The following CNNM2 variants were observed in gnomAD, a reference collection of about 807,000 sequenced individuals.
CNNM2 encodes metal transporter CNNM2.
A neutral mutation model predicts 66.9 loss-of-function variants in CNNM2; 12 were observed. The observed-to-expected ratio is 0.18, with a 90% CI of 0.11 to 0.29. CNNM2 has a LOEUF of 0.29. Ranked by LOEUF, CNNM2 falls within the 10% of genes least tolerant of loss-of-function variation. CNNM2 has a pLI of 1.00. For missense variants in CNNM2, 705 were observed against 1,167.7 expected (o/e 0.60, Z 5.77); for synonymous variants, 557 against 501.8 (o/e 1.11, Z -1.47).
intron 1 of CNNM2, among the ~76,000 whole-genome samples, chr10:103,002,496 T>C (rs1040942717): frequency 2.6e-5 from 4 of 151,378 alleles, no homozygotes; most frequent in African/African-American, 9.7e-5. Flanking sequence ...TTTTTTTTTT[T>C]GAGACAGAGT....
intron 1 of CNNM2, among the ~76,000 whole-genome samples, chr10:103,021,969 A>G (rs1451495492): frequency 6.6e-6 from 1 of 152,162 alleles, no homozygotes; most frequent in African/African-American, 2.4e-5. Context: ...TTGAAGGCCA[A>G]ATTAGAATTC....
At chr10:102,945,678 T>C (rs1846592606) in intron 1 of CNNM2, among the ~76,000 whole-genome samples, 1 of 152,056 alleles carries the variant, frequency 6.6e-6, no homozygotes, top group Non-Finnish European at 1.5e-5. Context: ...CTTGTTGTTT[T>C]CTCCTAAGCA....
chr10:102,974,530 G>A (rs540920342), intron 1 of CNNM2, among the ~76,000 whole-genome samples: 1 of 151,602 alleles, frequency 6.6e-6, no homozygotes, highest in African/African-American at 2.4e-5. Context: ...ATGCATTATT[G>A]AAAGAAAAAA....
intron 1 of CNNM2, among the ~76,000 whole-genome samples, chr10:102,937,851 T>C (rs1055793344): frequency 7.9e-5 from 12 of 151,434 alleles, no homozygotes; most frequent in East Asian, 2.0e-4. Context: ...TCTCAAACTA[T>C]TGGGCTCAAA....
At chr10:102,959,881 T>A (rs147007736) in intron 1 of CNNM2, among the ~76,000 whole-genome samples, 2 of 151,976 alleles carry the variant, frequency 1.3e-5, no homozygotes, top group African/African-American at 4.8e-5. Context: ...TGAAACCCCG[T>A]CTCTACTAAA....
chr10:102,989,948 CTTTTT>C (rs35468777), intron 1 of CNNM2, among the ~76,000 whole-genome samples: 2 of 142,916 alleles, frequency 1.4e-5, no homozygotes, highest in Admixed American at 1.4e-4. Flanking sequence ...ATCCATTAAA[CTTTTT>C]TTTTTTTTTG....
chr10:102,975,480 A>AAC (rs941340954), intron 1 of CNNM2, among the ~76,000 whole-genome samples: 2 of 124,308 alleles, frequency 1.6e-5, no homozygotes, highest in East Asian at 3.7e-4. Flanking sequence ...AAAAAAAAAA[A>AAC]AAAAAAAACA....
At chr10:103,068,563 A>G (rs2065519351) in intron 4 of CNNM2, 66 bp from the exon 5 acceptor site, 1 of 1,293,240 alleles carries the variant, frequency 7.7e-7, no homozygotes, top group Admixed American at 2.0e-5. Flanking sequence ...AGGACCAAAT[A>G]TTGTACAGAG....
At chr10:103,025,409 A>T (rs139380054) in intron 1 of CNNM2, among the ~76,000 whole-genome samples, 1 of 152,314 alleles carries the variant, frequency 6.6e-6, no homozygotes, top group African/African-American at 2.4e-5. Flanking sequence ...CATTCTAGAG[A>T]TAAGCTTTCT....
At chr10:102,996,442 C>T (rs532275795) in intron 1 of CNNM2, among the ~76,000 whole-genome samples, 8 of 152,282 alleles carry the variant, frequency 5.3e-5, no homozygotes, top group East Asian at 1.9e-4. Context: ...CAACAGCTCA[C>T]GCCTGTAATC....
rs1423987497 is a variant in CNNM2 at position 102,938,458 on chromosome 10, A to C, written c.1621+18357A>C. Among the ~76,000 whole-genome samples, 7 of 151,226 alleles carry C rather than the reference A, an allele frequency of 4.6e-5. No homozygotes were observed. The South Asian group carries it at 6.3e-4, about 14-fold the overall frequency. On this transcript the variant is annotated intron_variant, in intron 1 of 7. Coordinates refer to ENST00000369878, the MANE Select transcript of CNNM2 (RefSeq NM_017649.5). ...CGCTCTGTCTCAAAAAATGGAAAAA[A>C]AAAAAGAAAAAATTAGCTGAGCATG...
In CNNM2 at chr10:102,960,619, A is replaced by G. The variant is rs61870832; in HGVS notation, c.1621+40518A>G. On this transcript the variant is annotated intron_variant, in intron 1 of 7. Transcript: ENST00000369878. ...AAATTCAACAGAATTTTATTTTATTACTTTACTTTGTTTTTTGAGACAAGA... is the reference window on the plus strand; with the variant it reads ...AAATTCAACAGAATTTTATTTTATTGCTTTACTTTGTTTTTTGAGACAAGA... 3.2e-3 allele frequency among the ~76,000 whole-genome samples: 494 copies of G among 152,068 alleles called. 4 individuals carry two copies. The highest frequency in any genetic ancestry group is 4.3e-3 in the Admixed American group (65 of 15,254).
At chr10:103,045,715 TG>T (rs1371348727) in intron 1 of CNNM2, among the ~76,000 whole-genome samples, 2 of 152,234 alleles carry the variant, frequency 1.3e-5, no homozygotes, top group Non-Finnish European at 2.9e-5. Context: ...TTAGATACTT[TG>T]CATGCTTTGG....
Position 103,081,512 on chromosome 10 carries a change from T to C in CNNM2, c.*4332T>C, listed in dbSNP as rs1048179363. The C allele has an allele frequency of 3.3e-5, 5 of 152,250 alleles. No homozygotes were observed. The highest frequency in any genetic ancestry group is 7.3e-5 in the Non-Finnish European group (5 of 68,044). 9.4% of individuals were successfully genotyped at this position (152,250 alleles called of 1,614,324 possible). ...TGAGCAACTTCTCAGTGGATTTTTATACCTCAGGGTCATTTGCAAATCTTT... is the reference window on the plus strand; with the variant it reads ...TGAGCAACTTCTCAGTGGATTTTTACACCTCAGGGTCATTTGCAAATCTTT... On this transcript the variant is annotated 3_prime_UTR_variant, in exon 8 of 8. Transcript: ENST00000369878.
chr10:102,944,533 T>C (rs1467268710), intron 1 of CNNM2, among the ~76,000 whole-genome samples: 1 of 151,952 alleles, frequency 6.6e-6, no homozygotes, highest in Non-Finnish European at 1.5e-5. Context: ...CTTATACTCT[T>C]CATCTACATT....
intron 1 of CNNM2, among the ~76,000 whole-genome samples, chr10:102,983,388 G>A (rs1040251422): frequency 5.4e-5 from 8 of 148,762 alleles, no homozygotes; most frequent in Admixed American, 1.3e-4. Flanking sequence ...TAGGTCGGGC[G>A]TGGTGGCTCA....
At chr10:103,016,929 T>C (rs1447333335) in intron 1 of CNNM2, among the ~76,000 whole-genome samples, 1 of 151,940 alleles carries the variant, frequency 6.6e-6, no homozygotes. Flanking sequence ...CACTGCAACA[T>C]AGGGCTTTTT....
intron 1 of CNNM2, among the ~76,000 whole-genome samples, chr10:103,041,534 C>T (rs537864485): frequency 6.6e-6 from 1 of 151,970 alleles, no homozygotes; most frequent in Non-Finnish European, 1.5e-5. Context: ...CAGGCCAGTT[C>T]GGGCCTCCGT....
intron 1 of CNNM2, among the ~76,000 whole-genome samples, chr10:103,041,256 TC>T (rs1162368644): frequency 6.6e-6 from 1 of 152,214 alleles, no homozygotes; most frequent in Non-Finnish European, 1.5e-5. Context: ...GTGGTAGTTT[TC>T]CAGGTATACA....
Sources: gnomAD v4.1 joint callset for allele counts (sites outside exome capture counted in the v4.1 genomes callset) on GRCh38, gnomAD v4.1.1 for gene constraint, MANE v1.5 for transcripts, NCBI Gene and HGNC (gene_info 2026-07-23, HGNC 2026-07-21) for gene names.